SMARCB1: variants seen among roughly 807,000 people sequenced by gnomAD.
The protein encoded by SMARCB1 is SWI/SNF related BAF chromatin remodeling complex subunit B1, also known as SWI/SNF-related matrix-associated actin-dependent regulator of chromatin subfamily B member 1.
SMARCB1 carries 5 observed loss-of-function variants against 49.0 expected under a neutral mutation model. The ratio of observed to expected loss-of-function variants is 0.10; its 90% CI spans 0.05 to 0.21. SMARCB1 has a LOEUF of 0.21. SMARCB1 is among the 10% of genes least tolerant of loss of function. The pLI is 1.00. For synonymous variants in SMARCB1, 201 were observed against 200.1 expected, an observed-to-expected ratio of 1.00 and a Z score of -0.04; for missense variants, 226 against 509.2, an observed-to-expected ratio of 0.44 and a Z score of 5.35.
At chr22:23,792,004 G>A (rs2145960944) in intron 2 of SMARCB1, 110 bp downstream of exon 2, 2 of 1,266,984 alleles carry the variant, frequency 1.6e-6, no homozygotes, top group Non-Finnish European at 2.3e-6. Flanking sequence ...GCCTTAGTCG[G>A]GCAGGGAGCA....
rs374538240 is a variant in SMARCB1 at position 23,801,094 on chromosome 22, C to T, written c.500+13C>T. On this transcript the variant is annotated intron_variant, in intron 4 of 8. Coordinates refer to ENST00000644036, the MANE Select transcript of SMARCB1 (RefSeq NM_003073.5). ...CCTTCCCCCTTTGGTGTGGATGCAT[C>T]GCTGCACTCACCCTCCGTGCTGATT... 2.1e-5 allele frequency: 34 copies of T among 1,614,102 alleles called. No individual in the cohort carries two copies. The highest frequency in any genetic ancestry group is 4.4e-5 in the South Asian group (4 of 91,096).
At chr22:23,827,919 T>TG (rs762775825) in intron 7 of SMARCB1, among the ~76,000 whole-genome samples, 2 of 151,930 alleles carry the variant, frequency 1.3e-5, no homozygotes, top group Non-Finnish European at 2.9e-5. Context: ...CAGTCCTGCC[T>TG]GGCCCTGCCT....
intron 6 of SMARCB1, chr22:23,817,281 G>T: frequency 2.4e-6 from 1 of 417,326 alleles, no homozygotes; most frequent in Non-Finnish European, 4.5e-6. Context: ...TGCTGCCTTA[G>T]TGGCCATATT....
chr22:23,836,165 T>G lies in SMARCB1; in HGVS notation c.*1985T>G. On this transcript the variant is annotated 3_prime_UTR_variant, in exon 9 of 9. Coordinates refer to ENST00000644036, the MANE Select transcript of SMARCB1 (RefSeq NM_003073.5). ...TTCCAGAAGTCCCTGCCTCACCCAG[T>G]CTCAGAACTCTGCTAAGGTGAAAAC... The G allele has an allele frequency of 1.0e-6, 1 of 985,382 alleles. No homozygotes were observed. Among genetic ancestry groups the G allele is most frequent in the Non-Finnish European group, 1.2e-6 (1 of 829,932 alleles). 61.0% of individuals were successfully genotyped at this position (985,382 alleles called of 1,614,324 possible).
chr22:23,808,131 AT>A (rs1336931601), intron 5 of SMARCB1, among the ~76,000 whole-genome samples: 45 of 109,148 alleles, frequency 4.1e-4, no homozygotes, highest in Middle Eastern at 5.6e-3. Flanking sequence ...AATTTTTTGT[AT>A]TTTTTTTTTT....
At chr22:23,804,583 G>A (rs771783426) in intron 5 of SMARCB1, among the ~76,000 whole-genome samples, 11 of 152,146 alleles carry the variant, frequency 7.2e-5, no homozygotes, top group Non-Finnish European at 1.3e-4. Flanking sequence ...TCACTCTGTC[G>A]CCCAGGCTGG....
intron 7 of SMARCB1, among the ~76,000 whole-genome samples, chr22:23,831,127 C>T (rs973296169): frequency 2.0e-5 from 3 of 152,062 alleles, no homozygotes; most frequent in African/African-American, 7.2e-5. Context: ...CTGGCGGCCT[C>T]GGAGGTGTGA....
In SMARCB1 at chr22:23,837,888, T is replaced by G. The variant is rs1481042741; in HGVS notation, c.*3708T>G. 6.3e-7 allele frequency: 1 copy of G among 1,588,734 alleles called. No homozygotes were observed. Among genetic ancestry groups the G allele is most frequent in the African/African-American group, 1.3e-5 (1 of 74,324 alleles). ...GAGTCAAGGTGCTCCGGTGCAGGCCTCAGCCCAAGCCCAGGGCCCCTCTGA... is the reference window on the plus strand; with the variant it reads ...GAGTCAAGGTGCTCCGGTGCAGGCCGCAGCCCAAGCCCAGGGCCCCTCTGA... On this transcript the variant is annotated 3_prime_UTR_variant, in exon 9 of 9. Transcript: ENST00000644036.
intron 7 of SMARCB1, 80 bp downstream of exon 7, chr22:23,825,495 A>G: frequency 3.1e-6 from 4 of 1,302,076 alleles, no homozygotes; most frequent in Non-Finnish European, 4.4e-6. Context: ...GTGAGCGGTG[A>G]TACCTTTGAG....
intron 6 of SMARCB1, 45 bp downstream of exon 6, chr22:23,816,981 G>C (rs773080321): frequency 6.5e-7 from 1 of 1,547,990 alleles, no homozygotes; most frequent in Admixed American, 1.7e-5. Flanking sequence ...TGGCCCTCAG[G>C]GTGGGTGTCA....
chr22:23,836,106 C>G lies in SMARCB1; in HGVS notation c.*1926C>G. 1 of 985,484 alleles carries G rather than the reference C, an allele frequency of 1.0e-6. No individual in the cohort carries two copies. The highest frequency in any genetic ancestry group is 1.2e-6 in the Non-Finnish European group (1 of 829,972). The allele number at this position is 985,484 out of a possible 1,614,324, so 61.0% of individuals were successfully genotyped here. ...CCACAGGGGTCGGATAAGGCTCACA[C>G]ACGTCCTCAGCTAAAAAGGGCAGGA... is the stretch of plus-strand genomic sequence containing the variant. On this transcript the variant is annotated 3_prime_UTR_variant, in exon 9 of 9. Coordinates refer to ENST00000644036, the MANE Select transcript of SMARCB1 (RefSeq NM_003073.5).
intron 3 of SMARCB1, among the ~76,000 whole-genome samples, chr22:23,800,552 C>T (rs1929075290): frequency 1.3e-5 from 2 of 152,184 alleles, no homozygotes; most frequent in South Asian, 2.1e-4. Context: ...GTCTCTCCTC[C>T]TTGCTGCTGC....
At chr22:23,812,285 A>G (rs938690885) in intron 5 of SMARCB1, among the ~76,000 whole-genome samples, 2 of 152,146 alleles carry the variant, frequency 1.3e-5, no homozygotes, top group Non-Finnish European at 2.9e-5. Flanking sequence ...GCAGGATCCA[A>G]TCTCTAATTA....
Position 23,826,332 on chromosome 22 carries a change from G to A in SMARCB1, c.986+917G>A, listed in dbSNP as rs146130050. On this transcript the variant is annotated intron_variant, in intron 7 of 8. Coordinates refer to ENST00000644036, the MANE Select transcript of SMARCB1 (RefSeq NM_003073.5). ...TTCAGCTACTCAGGAAGCTGAGGTG[G>A]GAGGATCGCCTGAGCTCAAGAGGTG... 7.3e-3 allele frequency: 1,103 copies of A among 151,844 alleles called. 10 individuals carry two copies. The highest frequency in any genetic ancestry group is 0.024 in the African/African-American group (991 of 41,364). The allele number at this position is 151,844 out of a possible 1,614,324, so 9.4% of individuals were successfully genotyped here.
chr22:23,801,035 A>G lies in SMARCB1; in HGVS notation c.454A>G (p.Asn152Asp). 1 of 1,614,072 alleles carries G rather than the reference A, an allele frequency of 6.2e-7. No homozygotes were observed. The highest frequency in any genetic ancestry group is 8.5e-7 in the Non-Finnish European group (1 of 1,179,962). Reference protein sequence around the residue: ...LDAVPCSTTINRNRMGRDKKR... With the variant: ...LDAVPCSTTIDRNRMGRDKKR... ...TGCCGTGCCATGCTCCACAACCATC[A>G]ACAGGAACCGCATGGGCCGAGACAA... The change falls in exon 4 of 9, where the codon AAC (asparagine) becomes GAC (aspartate). Residue 152 changes from asparagine (N) to aspartate (D), a missense_variant. Around this residue, in one of 6 missense-constraint regions of SMARCB1, gnomAD observed 128 missense variants for 263.9 expected, o/e 0.49. Coordinates refer to ENST00000644036, the MANE Select transcript of SMARCB1 (RefSeq NM_003073.5).
chr22:23,835,175 G>T lies in SMARCB1; in HGVS notation c.*995G>T, dbSNP rs1282924618. The T allele has an allele frequency of 7.0e-6, 9 of 1,285,612 alleles. No homozygotes were observed. The highest frequency in any genetic ancestry group is 8.8e-6 in the Non-Finnish European group (9 of 1,018,756). The allele number at this position is 1,285,612 out of a possible 1,614,324, so 79.6% of individuals were successfully genotyped here. A position where few individuals can be genotyped will look rare whatever the true frequency, so the allele number is the denominator to read the frequency against. On this transcript the variant is annotated 3_prime_UTR_variant, in exon 9 of 9. Transcript: ENST00000644036. ...CGGTACAGGGAGGAGACACAGCCCA[G>T]GGTCCCTTCCCAGCCCTGCCTCCAA...
intron 5 of SMARCB1, among the ~76,000 whole-genome samples, chr22:23,808,160 G>A (rs1487697929): frequency 1.3e-5 from 2 of 148,810 alleles, no homozygotes; most frequent in Admixed American, 6.7e-5. Context: ...AGTCTCTGTC[G>A]CCCACTCTGG....
At chr22:23,809,334 T>C (rs988331398) in intron 5 of SMARCB1, among the ~76,000 whole-genome samples, 3 of 149,784 alleles carry the variant, frequency 2.0e-5, no homozygotes, top group Non-Finnish European at 4.4e-5. Context: ...TGGAGTGCAA[T>C]GGCACAGTCT....
chr22:23,791,710 T>A (rs2145959622), intron 1 of SMARCB1, 46 bp from the exon 2 acceptor site: 1 of 1,604,148 alleles, frequency 6.2e-7, no homozygotes, highest in Non-Finnish European at 8.5e-7. Flanking sequence ...TCCCCTTCCC[T>A]GTGGTGCTGC....
Sources: allele counts gnomAD v4.1 joint callset (sites outside exome capture counted in the v4.1 genomes callset), GRCh38; gene constraint gnomAD v4.1.1; regional missense constraint gnomAD v4.1.1; transcripts MANE v1.5; gene names NCBI Gene and HGNC (gene_info 2026-07-23, HGNC 2026-07-21).